The following VMP1 variants were observed in gnomAD, a reference collection of about 807,000 sequenced individuals.
VMP1 encodes the protein ectopic P-granules autophagy protein 3 homolog.
Under a neutral mutation model 56.0 loss-of-function variants are expected in VMP1, and 11 were observed. The ratio of observed to expected loss-of-function variants is 0.20; its 90% confidence interval spans 0.12 to 0.32. The LOEUF is 0.32. Among genes scored for constraint, VMP1 ranks in the 10% least tolerant of loss-of-function variants. VMP1 has a pLI of 1.00. For synonymous variants in VMP1, 149 were observed against 165.0 expected (o/e 0.90, Z 0.74); for missense variants, 296 against 490.3 (o/e 0.60, Z 3.74).
chr17:59,771,063 G>A (rs1256071844), intron 6 of VMP1, among the ~76,000 whole-genome samples: 1 of 147,132 alleles, frequency 6.8e-6, no homozygotes, highest in Non-Finnish European at 1.5e-5. Context: ...ATGTCTGTTT[G>A]TCCTTCCTTT....
chr17:59,717,655 C>T (rs1332712388), intron 1 of VMP1, among the ~76,000 whole-genome samples: 1 of 152,192 alleles, frequency 6.6e-6, no homozygotes, highest in African/African-American at 2.4e-5. Flanking sequence ...TACAGTGGCT[C>T]ATGCCTGTAA....
chr17:59,717,121 T>A (rs1227921593), intron 1 of VMP1, among the ~76,000 whole-genome samples: 3 of 151,776 alleles, frequency 2.0e-5, no homozygotes. Context: ...CTGGGACTAC[T>A]GGCGCCCACC....
At position 59,841,366 on chromosome 17, in the gene VMP1, A is replaced by G. The variant is rs887396706; in HGVS notation, c.*1455A>G. 1 of 496,472 alleles carries G rather than the reference A, an allele frequency of 2.0e-6. No individual in the cohort carries two copies. The highest frequency in any genetic ancestry group is 4.3e-6 in the Non-Finnish European group (1 of 230,404). The allele number at this position is 496,472 out of a possible 1,614,324, so 30.8% of individuals were successfully genotyped here. A position where few individuals can be genotyped will look rare whatever the true frequency, so the allele number is the denominator to read the frequency against. ...TGGTATCTTTCATCTGACCATCCAT[A>G]TCCAATGTTCTCATTTAAACATTAC... On this transcript the variant is annotated 3_prime_UTR_variant, in exon 12 of 12. Transcript: ENST00000262291.
chr17:59,782,954 A>G (rs1312545758), intron 7 of VMP1, among the ~76,000 whole-genome samples: 2 of 152,100 alleles, frequency 1.3e-5, no homozygotes, highest in African/African-American at 2.4e-5. Context: ...TGTAATCCCA[A>G]CACGCCCAAG....
At chr17:59,749,354 T>G (rs2035555920) in intron 5 of VMP1, among the ~76,000 whole-genome samples, 1 of 151,994 alleles carries the variant, frequency 6.6e-6, no homozygotes, top group Non-Finnish European at 1.5e-5. Flanking sequence ...GACCAAGATC[T>G]AAGTTATACA....
At chr17:59,809,304 CTTTTTTTTTTTTTTT>C (rs57274450) in intron 8 of VMP1, among the ~76,000 whole-genome samples, 2 of 33,452 alleles carry the variant, frequency 6.0e-5, no homozygotes, top group Non-Finnish European at 8.8e-5. Flanking sequence ...GCCCATTCAA[CTTTTTTTTTTTTTTT>C]TTTTTTTTTT....
chr17:59,810,437 A>G (rs1415748471), intron 8 of VMP1, among the ~76,000 whole-genome samples: 1 of 152,200 alleles, frequency 6.6e-6, no homozygotes, highest in Non-Finnish European at 1.5e-5. Flanking sequence ...TATAGGCATA[A>G]GACACTGCGC....
At chr17:59,717,512 A>T (rs2034211772) in intron 1 of VMP1, among the ~76,000 whole-genome samples, 1 of 151,922 alleles carries the variant, frequency 6.6e-6, no homozygotes, top group African/African-American at 2.4e-5. Flanking sequence ...CCTCCCAAGG[A>T]GCTGGGACTA....
intron 6 of VMP1, among the ~76,000 whole-genome samples, chr17:59,771,007 A>C (rs1051080295): frequency 1.3e-5 from 2 of 151,144 alleles, no homozygotes. Context: ...TTTTTTGTAA[A>C]TAGGAATACA....
chr17:59,809,728 G>C (rs868206881), intron 8 of VMP1, among the ~76,000 whole-genome samples: 1 of 150,586 alleles, frequency 6.6e-6, no homozygotes, highest in African/African-American at 2.5e-5. Context: ...GGATGGTCTC[G>C]ATCTCCTGAC....
intron 10 of VMP1, among the ~76,000 whole-genome samples, chr17:59,832,761 ATTTTTTT>A (rs71145580): frequency 2.0e-4 from 20 of 101,310 alleles, no homozygotes; most frequent in African/African-American, 3.2e-4. Flanking sequence ...GCCTGGCAAT[ATTTTTTT>A]TTTTTTTTTT....
chr17:59,829,536 C>G (rs1449383152), intron 10 of VMP1, among the ~76,000 whole-genome samples: 1 of 152,136 alleles, frequency 6.6e-6, no homozygotes, highest in Non-Finnish European at 1.5e-5. Flanking sequence ...CTGTGAGAAT[C>G]TTTATCAGAC....
intron 10 of VMP1, among the ~76,000 whole-genome samples, chr17:59,830,592 G>A (rs896594130): frequency 2.6e-5 from 4 of 152,074 alleles, no homozygotes; most frequent in South Asian, 2.1e-4. Flanking sequence ...AGAGGCTATC[G>A]CCTCCTTACT....
chr17:59,752,003 GGGTCTCTCC>G (rs768393070), intron 5 of VMP1, among the ~76,000 whole-genome samples: 181 of 151,992 alleles, frequency 1.2e-3, no homozygotes, highest in Non-Finnish European at 2.1e-3. Flanking sequence ...GGTAGAAACG[GGGTCTCTCC>G]ATGTTGCCCA....
Position 59,816,544 on chromosome 17 carries a change from C to T in VMP1, c.913-1168C>T, listed in dbSNP as rs184752738. Among the ~76,000 whole-genome samples the T allele has an allele frequency of 1.9e-3, 284 of 152,342 alleles. 2 individuals carry two copies. The highest frequency in any genetic ancestry group is 6.4e-3 in the African/African-American group (268 of 41,584). ...ACTGTTGGCTGGGCACAGTGGCTGA[C>T]GCCTGTAATCCCGCACTTTGGGAGG... On this transcript the variant is annotated intron_variant, in intron 9 of 11. Coordinates refer to ENST00000262291, the MANE Select transcript of VMP1 (RefSeq NM_030938.5).
chr17:59,725,662 A>G (rs2034575228), intron 1 of VMP1, among the ~76,000 whole-genome samples: 1 of 152,124 alleles, frequency 6.6e-6, no homozygotes, highest in African/African-American at 2.4e-5. Flanking sequence ...GAATGGCAAG[A>G]AGGTTTTGAA....
intron 5 of VMP1, among the ~76,000 whole-genome samples, chr17:59,757,061 A>T (rs950958812): frequency 1.3e-5 from 2 of 152,158 alleles, no homozygotes; most frequent in African/African-American, 4.8e-5. Context: ...GTACATACTG[A>T]TTTATCATTT....
intron 7 of VMP1, among the ~76,000 whole-genome samples, chr17:59,783,717 G>T (rs2036905523): frequency 6.6e-6 from 1 of 152,026 alleles, no homozygotes; most frequent in Non-Finnish European, 1.5e-5. Flanking sequence ...AAGGCCTGTT[G>T]ATTCTATCTC....
At chr17:59,835,514 GAGTTTCACTCT>G (rs1215213894) in intron 10 of VMP1, among the ~76,000 whole-genome samples, 1 of 146,678 alleles carries the variant, frequency 6.8e-6, no homozygotes, top group African/African-American at 2.5e-5. Flanking sequence ...TTTTGAGACA[GAGTTTCACTCT>G]CGTTGCCCAG....
Sources: allele counts gnomAD v4.1 joint callset (sites outside exome capture counted in the v4.1 genomes callset), GRCh38; gene constraint gnomAD v4.1.1; transcripts MANE v1.5; gene names NCBI Gene and HGNC (gene_info 2026-07-23, HGNC 2026-07-21).